The following ASIC2 variants were observed in gnomAD, a reference collection of about 807,000 sequenced individuals.
ASIC2 encodes acid sensing ion channel subunit 2.
In ASIC2, 25 loss-of-function variants were observed where a neutral mutation model predicts 57.3. The ratio of observed to expected loss-of-function variants is 0.44; its 90% CI spans 0.32 to 0.61. The LOEUF (loss-of-function observed/expected upper bound fraction) is 0.61, where lower values mean the gene tolerates loss of function less well. Among genes scored for constraint, ASIC2 ranks in the 20% least tolerant of loss-of-function variants. ASIC2 has a pLI of 0.06. For synonymous variants in ASIC2, 319 were observed against 307.5 expected, an observed-to-expected ratio of 1.04 and a Z score of -0.39; for missense variants, 641 against 738.1, an observed-to-expected ratio of 0.87 and a Z score of 1.52.
intron 1 of ASIC2, among the ~76,000 whole-genome samples, chr17:33,516,365 TGTGA>T (rs1010875309): frequency 3.3e-5 from 5 of 150,598 alleles, no homozygotes; most frequent in Non-Finnish European, 5.9e-5. Context: ...TGTGTGTGAG[TGTGA>T]GTGTGAATGT....
intron 1 of ASIC2, among the ~76,000 whole-genome samples, chr17:33,620,966 C>G (rs774488403): frequency 9.2e-5 from 14 of 152,194 alleles, no homozygotes; most frequent in Admixed American, 3.3e-4. Flanking sequence ...TTTCTTGCAC[C>G]GCATACTTAT....
At chr17:33,225,596 G>T (rs961439182) in intron 1 of ASIC2, among the ~76,000 whole-genome samples, 2 of 152,190 alleles carry the variant, frequency 1.3e-5, no homozygotes, top group African/African-American at 4.8e-5. Context: ...CCAAGGGGTC[G>T]CTGACCCCAT....
chr17:33,948,756 C>G (rs1597944787), intron 1 of ASIC2, among the ~76,000 whole-genome samples: 1 of 152,172 alleles, frequency 6.6e-6, no homozygotes, highest in Admixed American at 6.5e-5. Context: ...CTACCTTACA[C>G]TGTGATTGGG....
At chr17:34,106,890 T>A (rs56866791) in intron 1 of ASIC2, among the ~76,000 whole-genome samples, 2,568 of 152,234 alleles carry the variant, frequency 0.017, 66 homozygotes, top group East Asian at 0.06. Flanking sequence ...AAATTATGGG[T>A]GCTATTTATA....
At chr17:33,588,068 T>C (rs1054177845) in intron 1 of ASIC2, among the ~76,000 whole-genome samples, 1 of 152,258 alleles carries the variant, frequency 6.6e-6, no homozygotes, top group African/African-American at 2.4e-5. Context: ...CCAAGTCTGA[T>C]GCTTTAAACT....
At chr17:33,107,707 GAGGGTGTC>G (rs1488660823) in intron 2 of ASIC2, among the ~76,000 whole-genome samples, 50 of 152,388 alleles carry the variant, frequency 3.3e-4, no homozygotes, top group African/African-American at 1.1e-3. Flanking sequence ...TCTACCCAAA[GAGGGTGTC>G]TTTTGTTAAC....
intron 1 of ASIC2, among the ~76,000 whole-genome samples, chr17:33,674,363 C>T (rs74347571): frequency 6.6e-6 from 1 of 152,320 alleles, no homozygotes; most frequent in Non-Finnish European, 1.5e-5. Context: ...AACTCACCCT[C>T]ATTCATTCCC....
At position 33,682,708 on chromosome 17, in the gene ASIC2, G is replaced by A. The variant is rs1363083464; in HGVS notation, c.555+473270C>T. Among the ~76,000 whole-genome samples, 5 of 151,914 alleles carry A rather than the reference G, an allele frequency of 3.3e-5. 1 individual carries two copies. Among genetic ancestry groups the A allele is most frequent in the Admixed American group, 2.6e-4 (4 of 15,258 alleles). ...AGAAGTGGAATTAGGAGTTAAGTAT[G>A]CCTTGCTTGGGATATTAAAAAAAAA... On this transcript the variant is annotated intron_variant, in intron 1 of 9. Transcript: ENST00000359872.
chr17:33,087,259 C>G (rs952453730), intron 3 of ASIC2, among the ~76,000 whole-genome samples: 1 of 152,290 alleles, frequency 6.6e-6, no homozygotes, highest in Middle Eastern at 3.4e-3. Flanking sequence ...CTCATGCCCT[C>G]CTTTGTCCTC....
intron 1 of ASIC2, among the ~76,000 whole-genome samples, chr17:34,026,784 T>C (rs535398135): frequency 1.3e-5 from 2 of 152,210 alleles, no homozygotes; most frequent in African/African-American, 2.4e-5. Flanking sequence ...CAGAGAGGGA[T>C]AGTGACCTAT....
chr17:34,135,542 A>C (rs73282470), intron 1 of ASIC2, among the ~76,000 whole-genome samples: 32,277 of 152,120 alleles, frequency 0.21, 3,803 homozygotes, highest in South Asian at 0.36. Context: ...CGAGACCCAG[A>C]CATCTGTATT....
intron 1 of ASIC2, among the ~76,000 whole-genome samples, chr17:34,095,936 A>G (rs964039010): frequency 4.3e-4 from 65 of 151,934 alleles, no homozygotes; most frequent in African/African-American, 1.5e-3. Context: ...ACCAATTTGT[A>G]TTACTATACT....
At chr17:33,174,931 G>T (rs1905684473) in intron 1 of ASIC2, among the ~76,000 whole-genome samples, 1 of 152,122 alleles carries the variant, frequency 6.6e-6, no homozygotes, top group Non-Finnish European at 1.5e-5. Flanking sequence ...CTACCCTACT[G>T]GCCCTGGTGT....
chr17:33,896,958 C>T (rs958766570), intron 1 of ASIC2, among the ~76,000 whole-genome samples: 2 of 152,200 alleles, frequency 1.3e-5, no homozygotes, highest in Non-Finnish European at 2.9e-5. Flanking sequence ...AAAAATGAAC[C>T]AGACAGGATA....
At chr17:33,918,180 T>A (rs1373535112) in intron 1 of ASIC2, among the ~76,000 whole-genome samples, 1 of 152,172 alleles carries the variant, frequency 6.6e-6, no homozygotes, top group Non-Finnish European at 1.5e-5. Context: ...CAAATCTTGT[T>A]TATCCTTTGT....
chr17:33,713,629 G>A (rs896659811), intron 1 of ASIC2, among the ~76,000 whole-genome samples: 18 of 152,194 alleles, frequency 1.2e-4, no homozygotes, highest in Non-Finnish European at 1.9e-4. Context: ...TACATCTGCA[G>A]ACCCCATTTC....
chr17:34,139,648 C>A (rs1448582596), intron 1 of ASIC2, among the ~76,000 whole-genome samples: 1 of 152,094 alleles, frequency 6.6e-6, no homozygotes, highest in African/African-American at 2.4e-5. Context: ...TGGAAGAAAT[C>A]TATCACAAAA....
chr17:33,612,653 G>T (rs1355245723), intron 1 of ASIC2, among the ~76,000 whole-genome samples: 1 of 152,184 alleles, frequency 6.6e-6, no homozygotes, highest in Non-Finnish European at 1.5e-5. Flanking sequence ...TCAGGCTGAG[G>T]TGTGTAAGTA....
At chr17:33,026,043 T>A in intron 4 of ASIC2, 61 bp from the exon 5 acceptor site, 1 of 1,579,338 alleles carries the variant, frequency 6.3e-7, no homozygotes, top group South Asian at 1.1e-5. Flanking sequence ...CAGCAACACC[T>A]CCTCTGCTTT....
Sources: gnomAD v4.1 joint callset for allele counts (sites outside exome capture counted in the v4.1 genomes callset) on GRCh38, gnomAD v4.1.1 for gene constraint, MANE v1.5 for transcripts, NCBI Gene and HGNC (gene_info 2026-07-23, HGNC 2026-07-21) for gene names.